Variants in PTPRZ1 observed in about 807,000 individuals in gnomAD.
PTPRZ1 encodes protein tyrosine phosphatase receptor type Z1.
In PTPRZ1, 82 loss-of-function variants were observed where a neutral mutation model predicts 214.1. That is an observed-to-expected ratio of 0.38 (90% confidence interval 0.32 to 0.46). The LOEUF is 0.46. PTPRZ1 is among the 20% of genes least tolerant of loss of function. PTPRZ1 has a pLI of 1.00. For missense variants in PTPRZ1, 2,603 were observed against 2,748.7 expected (o/e 0.95, Z 1.19); for synonymous variants, 945 against 987.9 (o/e 0.96, Z 0.81).
chr7:121,960,646 G>T (rs924866384), intron 2 of PTPRZ1, among the ~76,000 whole-genome samples: 2 of 152,108 alleles, frequency 1.3e-5, no homozygotes, highest in African/African-American at 2.4e-5. Flanking sequence ...ATGCAAAAAT[G>T]AGAGAAAATA....
rs142116908 is a variant in PTPRZ1, at chr7:121,883,867, C to T, written c.58+10310C>T. On this transcript the variant is annotated intron_variant, in intron 1 of 29. Coordinates refer to ENST00000393386, the MANE Select transcript of PTPRZ1 (RefSeq NM_002851.3). ...CCTCTAACTCCCAACCTCAGGTGGT[C>T]CACCCTCCTCGGCCTCCCAAAGTGC... 5.3e-3 allele frequency among the ~76,000 whole-genome samples: 811 copies of T among 152,258 alleles called. 7 individuals carry two copies. Among genetic ancestry groups the T allele is most frequent in the African/African-American group, 0.018 (755 of 41,532 alleles).
intron 2 of PTPRZ1, among the ~76,000 whole-genome samples, chr7:121,955,406 C>T (rs905540154): frequency 1.3e-5 from 2 of 151,378 alleles, no homozygotes; most frequent in African/African-American, 2.4e-5. Context: ...ATTTCCCAAA[C>T]CAGGGGGTAA....
In PTPRZ1 at chr7:121,996,490, T is replaced by G; in HGVS notation, c.1037T>G (p.Phe346Cys). ...RVVYDTMIEK[F>C]AVLYQQLDGE... The stretch of plus-strand genomic sequence containing the variant: ...GTTTATGATACCATGATTGAGAAGT[T>G]TGCAGTTTTGTACCAGCAGTTGGAT... The change falls in exon 9 of 30, where the codon TTT (phenylalanine) becomes TGT (cysteine). Residue 346 changes from phenylalanine to cysteine, a missense_variant. Physicochemically the swap from Phe to Cys is radical, Grantham distance 205. Transcript: ENST00000393386. 1 of 1,613,370 alleles carries G rather than the reference T, an allele frequency of 6.2e-7. No homozygotes were observed. The highest frequency in any genetic ancestry group is 8.5e-7 in the Non-Finnish European group (1 of 1,179,560).
intron 2 of PTPRZ1, among the ~76,000 whole-genome samples, chr7:121,947,418 TAAGA>T (rs144155057): frequency 0.014 from 2,083 of 152,148 alleles, 47 homozygotes; most frequent in African/African-American, 0.047. Flanking sequence ...AATTGCTTAA[TAAGA>T]AAGAAAGGGA....
chr7:122,039,429 G>A, intron 19 of PTPRZ1, 25 bp from the exon 20 acceptor site: 1 of 1,606,784 alleles, frequency 6.2e-7, no homozygotes, highest in Non-Finnish European at 8.5e-7. Context: ...AAATACAGAA[G>A]TAACATCTAC....
At chr7:121,903,798 G>A (rs1233644487) in intron 1 of PTPRZ1, among the ~76,000 whole-genome samples, 1 of 152,082 alleles carries the variant, frequency 6.6e-6, no homozygotes. Flanking sequence ...GCCTCTTATT[G>A]TTGCTCATTT....
chr7:122,054,689 C>A (rs573648747), intron 26 of PTPRZ1, among the ~76,000 whole-genome samples: 1 of 151,984 alleles, frequency 6.6e-6, no homozygotes, highest in Non-Finnish European at 1.5e-5. Context: ...ATTACAGAAG[C>A]AATAAGCTTA....
At chr7:122,029,055 T>C (rs2116714960) in intron 14 of PTPRZ1, among the ~76,000 whole-genome samples, 1 of 151,538 alleles carries the variant, frequency 6.6e-6, no homozygotes, top group South Asian at 2.1e-4. Flanking sequence ...AAGGATAAAG[T>C]CTTGTTCCTT....
At chr7:121,980,298 A>C (rs1420287609) in intron 6 of PTPRZ1, among the ~76,000 whole-genome samples, 1 of 152,238 alleles carries the variant, frequency 6.6e-6, no homozygotes, top group East Asian at 1.9e-4. Context: ...TCAGTGGGAA[A>C]AGGAACAATT....
rs763005404 is a variant in PTPRZ1, at chr7:122,012,678, C to T, written c.3632C>T (p.Thr1211Ile). ...CCCAGTGATCCAATATTGGTTGAAA[C>T]CCCCAAAGTTGATAAAATTAGTTCT... is the stretch of plus-strand genomic sequence containing the variant. The part of the protein sequence containing the change: ...AVPSDPILVE[T>I]PKVDKISSTM... Residue 1211 changes from threonine (T) to isoleucine (I), a missense_variant, in exon 12 of 30, where the codon ACC becomes ATC. Physicochemically the swap from Thr to Ile is moderately conservative, Grantham distance 89. Transcript: ENST00000393386. 1.2e-6 allele frequency: 2 copies of T among 1,611,960 alleles called. No homozygotes were observed. The highest frequency in any genetic ancestry group is 1.7e-6 in the Non-Finnish European group (2 of 1,178,320).
At chr7:121,982,554 A>G (rs983329913) in intron 6 of PTPRZ1, among the ~76,000 whole-genome samples, 1 of 152,138 alleles carries the variant, frequency 6.6e-6, no homozygotes, top group African/African-American at 2.4e-5. Context: ...AATTCTCTCC[A>G]GAATGTTTTG....
In PTPRZ1 at chr7:122,034,290, G is replaced by C. The variant is rs747571000; in HGVS notation, c.5196G>C (p.Gln1732His). 6.2e-7 allele frequency: 1 copy of C among 1,613,050 alleles called. No individual in the cohort carries two copies. The highest frequency in any genetic ancestry group is 1.7e-5 in the Admixed American group (1 of 59,898). Residue 1732 changes from glutamine (Q) to histidine (H), a missense_variant, in exon 17 of 30, where the codon CAG becomes CAC. By Grantham distance (24) the Gln-to-His change is conservative. Transcript: ENST00000393386. ...CATATAATTTTTTACAGGAAGTGCAGAGCTGTACTGTTGACTTAGGTATTA... is the reference window on the plus strand; with the variant it reads ...CATATAATTTTTTACAGGAAGTGCACAGCTGTACTGTTGACTTAGGTATTA... ...ETLKEFYQEVQSCTVDLGITA... is the reference protein window; with the variant it reads ...ETLKEFYQEVHSCTVDLGITA...
chr7:121,986,595 G>T (rs79793000), intron 8 of PTPRZ1, among the ~76,000 whole-genome samples: 1 of 152,052 alleles, frequency 6.6e-6, no homozygotes, highest in Non-Finnish European at 1.5e-5. Context: ...TGTAGGAATC[G>T]ATTTTATTCC....
chr7:121,878,580 G>A (rs1224008569), intron 1 of PTPRZ1, among the ~76,000 whole-genome samples: 2 of 152,192 alleles, frequency 1.3e-5, no homozygotes, highest in Non-Finnish European at 2.9e-5. Flanking sequence ...TTTATGGACT[G>A]AGGTTGAACA....
chr7:122,057,645 C>CTTTTTTTTTTTTTTTTTTTTTTTT, intron 27 of PTPRZ1, among the ~76,000 whole-genome samples: 1 of 128,176 alleles, frequency 7.8e-6, no homozygotes. Context: ...CTTTGTGATT[C>CTTTTTTTTTTTTTTTTTTTTTTTT]TTTTTTTTTT....
At chr7:121,989,128 TGTA>T (rs753000341) in intron 8 of PTPRZ1, among the ~76,000 whole-genome samples, 1 of 152,236 alleles carries the variant, frequency 6.6e-6, no homozygotes, top group Non-Finnish European at 1.5e-5. Flanking sequence ...AGATTTATTA[TGTA>T]ATAATTTTTA....
intron 14 of PTPRZ1, among the ~76,000 whole-genome samples, chr7:122,029,096 G>T (rs1206365): frequency 0.58 from 84,930 of 146,968 alleles, 25,022 homozygotes; most frequent in African/African-American, 0.77. Context: ...TGAGAAAAGG[G>T]TTTTTTTTTT....
intron 2 of PTPRZ1, among the ~76,000 whole-genome samples, chr7:121,929,949 A>G (rs1208901388): frequency 6.6e-6 from 1 of 152,048 alleles, no homozygotes; most frequent in African/African-American, 2.4e-5. Flanking sequence ...ACTACCCAAG[A>G]TTGATGATTG....
At chr7:121,896,820 G>A (rs1214854644) in intron 1 of PTPRZ1, among the ~76,000 whole-genome samples, 1 of 151,740 alleles carries the variant, frequency 6.6e-6, no homozygotes, top group Non-Finnish European at 1.5e-5. Context: ...AGTAAAATAA[G>A]CCAGTCACAG....
Sources: gnomAD v4.1 joint callset for allele counts (sites outside exome capture counted in the v4.1 genomes callset) on GRCh38, gnomAD v4.1.1 for gene constraint, MANE v1.5 for transcripts, NCBI Gene and HGNC (gene_info 2026-07-23, HGNC 2026-07-21) for gene names.